ST18: variants seen among roughly 807,000 people sequenced by gnomAD.
The protein encoded by ST18 is ST18 C2H2C-type zinc finger transcription factor, also known as suppression of tumorigenicity 18 protein.
ST18 carries 50 observed loss-of-function variants against 110.0 expected under a neutral mutation model. The ratio of observed to expected loss-of-function variants is 0.45; its 90% CI spans 0.36 to 0.58. The LOEUF (loss-of-function observed/expected upper bound fraction) is 0.58, where lower values mean the gene tolerates loss of function less well. Ranked by LOEUF, ST18 falls within the 20% of genes least tolerant of loss-of-function variation. The pLI is 0.00. For synonymous variants in ST18, 461 were observed against 452.4 expected (o/e 1.02, Z -0.24); for missense variants, 1,306 against 1,280.1 (o/e 1.02, Z -0.31).
At chr8:52,280,674 G>A (rs186618129) in intron 2 of ST18, among the ~76,000 whole-genome samples, 9 of 152,054 alleles carry the variant, frequency 5.9e-5, no homozygotes, top group Admixed American at 5.2e-4. Flanking sequence ...TCGTTTATCA[G>A]GAACATATAA....
chr8:52,288,430 G>A (rs1227573349), intron 2 of ST18, among the ~76,000 whole-genome samples: 1 of 152,162 alleles, frequency 6.6e-6, no homozygotes, highest in East Asian at 1.9e-4. Flanking sequence ...GCTGGGCATA[G>A]TACTCATGCG....
chr8:52,327,842 A>T (rs1807196422), intron 2 of ST18, among the ~76,000 whole-genome samples: 1 of 152,176 alleles, frequency 6.6e-6, no homozygotes, highest in Admixed American at 6.5e-5. Flanking sequence ...GCACACACAA[A>T]GCCACTCCAT....
intron 2 of ST18, among the ~76,000 whole-genome samples, chr8:52,265,821 A>G (rs1249177153): frequency 1.3e-5 from 2 of 152,230 alleles, no homozygotes; most frequent in African/African-American, 4.8e-5. Context: ...TTTGGGTGTC[A>G]TAGCCATGTA....
chr8:52,381,481 C>A (rs1402582114), intron 2 of ST18, among the ~76,000 whole-genome samples: 1 of 152,188 alleles, frequency 6.6e-6, no homozygotes, highest in African/African-American at 2.4e-5. Flanking sequence ...ACAAATACTT[C>A]ATAACTACTT....
At chr8:52,229,628 T>C (rs1343385487) in intron 3 of ST18, 1 of 152,180 alleles carries the variant, frequency 6.6e-6, no homozygotes, top group Non-Finnish European at 1.5e-5. Context: ...TTTAGAAAAA[T>C]AGGATAATCT....
intron 14 of ST18, 123 bp from the exon 15 acceptor site, chr8:52,159,232 C>T (rs2060795489): frequency 1.1e-6 from 1 of 888,626 alleles, no homozygotes; most frequent in Non-Finnish European, 1.7e-6. Context: ...AAAACACGTT[C>T]CATTATCCAT....
At chr8:52,338,183 T>G (rs528621303) in intron 2 of ST18, among the ~76,000 whole-genome samples, 233 of 151,976 alleles carry the variant, frequency 1.5e-3, no homozygotes, top group African/African-American at 5.4e-3. Flanking sequence ...CTCAGCCTCC[T>G]GAGTAGCTGG....
chr8:52,149,952 T>C lies in ST18; in HGVS notation c.1832A>G (p.Asn611Ser). The change falls in exon 16 of 26, where the codon AAT becomes AGT. Residue 611 changes from asparagine (N) to serine (S), a missense_variant. Coordinates refer to ENST00000689386, the MANE Select transcript of ST18 (RefSeq NM_001352837.2). ...AKGAEIEVDE[N>S]GTLDLSMKKN... Reference sequence around the variant, plus strand: ...TTTCATGCTTAAGTCCAATGTGCCATTTTCATCCACTTCTATTTCGGCTCC... The same window carrying C: ...TTTCATGCTTAAGTCCAATGTGCCACTTTCATCCACTTCTATTTCGGCTCC... 1.2e-6 allele frequency: 2 copies of C among 1,613,992 alleles called. No homozygotes were observed. Among genetic ancestry groups the C allele is most frequent in the Non-Finnish European group, 1.7e-6 (2 of 1,179,962 alleles).
intron 15 of ST18, among the ~76,000 whole-genome samples, chr8:52,152,984 AAG>A (rs931687369): frequency 1.8e-4 from 27 of 152,250 alleles, no homozygotes; most frequent in African/African-American, 6.5e-4. Flanking sequence ...CTAGGGAAAA[AAG>A]AGAGAAATGT....
intron 2 of ST18, among the ~76,000 whole-genome samples, chr8:52,334,042 C>A (rs754527475): frequency 6.6e-6 from 1 of 152,160 alleles, no homozygotes. Context: ...CTCTCTCAGA[C>A]GAGGTGATAA....
intron 2 of ST18, chr8:52,296,548 TA>T (rs2095640830): frequency 6.6e-6 from 1 of 152,170 alleles, no homozygotes; most frequent in Non-Finnish European, 1.5e-5. Context: ...GACCGTCACT[TA>T]CTGGTGGTAA....
At chr8:52,392,133 T>C (rs1839502099) in intron 2 of ST18, among the ~76,000 whole-genome samples, 1 of 152,202 alleles carries the variant, frequency 6.6e-6, no homozygotes, top group African/African-American at 2.4e-5. Flanking sequence ...GATCTGTGTA[T>C]GGAGTTGAGG....
chr8:52,335,041 C>A (rs757717559), intron 2 of ST18, among the ~76,000 whole-genome samples: 8 of 152,092 alleles, frequency 5.3e-5, no homozygotes, highest in Admixed American at 2.6e-4. Flanking sequence ...TTGGAAATTT[C>A]TCTGATTTTT....
rs540227917 is a variant in ST18 at position 52,160,196 on chromosome 8, A to G, written c.1595-1087T>C. Among the ~76,000 whole-genome samples, 4 of 152,326 alleles carry G rather than the reference A, an allele frequency of 2.6e-5. No individual in the cohort carries two copies. The East Asian group carries it at 7.7e-4, about 29-fold the overall frequency. ...GTGTGTATATATAATAAAATTGTAT[A>G]TCTGTATAGGCACACACAAAATTGC... On this transcript the variant is annotated intron_variant, in intron 14 of 25. Coordinates refer to ENST00000689386, the MANE Select transcript of ST18 (RefSeq NM_001352837.2).
At position 52,281,259 on chromosome 8, in the gene ST18, A is replaced by T. The variant is rs146499672; in HGVS notation, c.-464-51182T>A. Among the ~76,000 whole-genome samples the T allele has an allele frequency of 2.9e-3, 435 of 152,282 alleles. 6 individuals carry two copies. The highest frequency in any genetic ancestry group is 0.019 in the Admixed American group (293 of 15,304). ...TTGAGAAGTAATGAGTTAAACAGCC[A>T]GTTTAAGAATTTAGAACAACAAACA... On this transcript the variant is annotated intron_variant, in intron 2 of 25. Transcript: ENST00000689386.
intron 25 of ST18, among the ~76,000 whole-genome samples, chr8:52,115,777 T>A (rs536017452): frequency 6.6e-6 from 1 of 152,138 alleles, no homozygotes; most frequent in Non-Finnish European, 1.5e-5. Context: ...AAAATGAGGA[T>A]TCCTTGTTCA....
intron 8 of ST18, among the ~76,000 whole-genome samples, chr8:52,207,713 A>G (rs2080594742): frequency 6.6e-6 from 1 of 152,238 alleles, no homozygotes; most frequent in Admixed American, 6.5e-5. Context: ...ATGAACGGAC[A>G]GAGAGATTTG....
rs900785901 is a variant in ST18 at position 52,267,006 on chromosome 8, G to T, written c.-464-36929C>A. On this transcript the variant is annotated intron_variant, in intron 2 of 25. Coordinates refer to ENST00000689386, the MANE Select transcript of ST18 (RefSeq NM_001352837.2). ...CTGGTGAATACAATTGAGGGCAGGT[G>T]CAGCAAAGGGCTGGGGTGGCCCTGA... 2.0e-5 allele frequency among the ~76,000 whole-genome samples: 3 copies of T among 152,168 alleles called. No homozygotes were observed. In the East Asian group the frequency reaches 5.8e-4, roughly 29 times the overall value.
At chr8:52,389,075 GC>G (rs1429577112) in intron 2 of ST18, among the ~76,000 whole-genome samples, 1 of 151,364 alleles carries the variant, frequency 6.6e-6, no homozygotes, top group Non-Finnish European at 1.5e-5. Context: ...GCTGCATGAA[GC>G]CCCGAGAGCC....
Sources: gnomAD v4.1 joint callset for allele counts (sites outside exome capture counted in the v4.1 genomes callset) on GRCh38, gnomAD v4.1.1 for gene constraint, MANE v1.5 for transcripts, NCBI Gene and HGNC (gene_info 2026-07-23, HGNC 2026-07-21) for gene names.